The following RBFOX1 variants were observed in gnomAD, a reference collection of about 807,000 sequenced individuals.
RBFOX1 encodes RNA binding fox-1 homolog 1.
Under a neutral mutation model 57.7 loss-of-function variants are expected in RBFOX1, and 8 were observed. The ratio of observed to expected loss-of-function variants is 0.14; its 90% CI spans 0.08 to 0.25. The LOEUF (loss-of-function observed/expected upper bound fraction) is 0.25. RBFOX1 is among the 10% of genes least tolerant of loss of function. The probability of loss-of-function intolerance (pLI) is 1.00; values close to 1 mark genes in which losing one functional copy is unlikely to be tolerated. For missense variants in RBFOX1, 611 were observed against 548.5 expected (o/e 1.11, Z -1.14); for synonymous variants, 326 against 222.4 (o/e 1.47, Z -4.15).
chr16:6,110,575 A>G (rs953323137), intron 1 of RBFOX1, among the ~76,000 whole-genome samples: 2 of 152,126 alleles, frequency 1.3e-5, no homozygotes, highest in African/African-American at 4.8e-5. Context: ...TCCAATTAAG[A>G]TGGATCCATG....
At chr16:5,412,680 G>C (rs1007793488) in intron 1 of RBFOX1, among the ~76,000 whole-genome samples, 2 of 152,204 alleles carry the variant, frequency 1.3e-5, no homozygotes, top group Non-Finnish European at 2.9e-5. Flanking sequence ...GCAGGCATTT[G>C]CTGATTTATT....
At chr16:7,292,615 C>G (rs955604550) in intron 4 of RBFOX1, among the ~76,000 whole-genome samples, 5 of 150,484 alleles carry the variant, frequency 3.3e-5, no homozygotes, top group African/African-American at 1.2e-4. Context: ...AGGTAAGAGA[C>G]CTAACAAAGC....
chr16:7,401,799 C>T (rs1488310031), intron 4 of RBFOX1, among the ~76,000 whole-genome samples: 2 of 152,134 alleles, frequency 1.3e-5, no homozygotes, highest in African/African-American at 4.8e-5. Context: ...GGCCCAGCTT[C>T]TATAAGATGA....
chr16:6,092,682 G>C (rs181290718), intron 1 of RBFOX1: 1 of 152,002 alleles, frequency 6.6e-6, no homozygotes, highest in Non-Finnish European at 1.5e-5. Context: ...CAACTTTGTC[G>C]AAGATCAGAT....
At chr16:5,760,021 A>C (rs1401902848) in intron 3 of RBFOX1, among the ~76,000 whole-genome samples, 2 of 151,968 alleles carry the variant, frequency 1.3e-5, no homozygotes, top group South Asian at 2.1e-4. Context: ...AAAAAAAAAA[A>C]ACCTTGTATT....
chr16:5,528,559 T>TG, intron 2 of RBFOX1, among the ~76,000 whole-genome samples: 2 of 130,300 alleles, frequency 1.5e-5, no homozygotes, highest in African/African-American at 5.8e-5. Context: ...TTTTTTTTTT[T>TG]TTTTTTCTGG....
At chr16:6,099,543 G>GC (rs139971727) in intron 1 of RBFOX1, among the ~76,000 whole-genome samples, 3,647 of 152,290 alleles carry the variant, frequency 0.024, 57 homozygotes, top group Middle Eastern at 0.041. Context: ...GGAAGTGAGA[G>GC]CAATTGCCTA....
At chr16:7,359,344 G>A (rs1456056008) in intron 4 of RBFOX1, among the ~76,000 whole-genome samples, 1 of 152,176 alleles carries the variant, frequency 6.6e-6, no homozygotes, top group Non-Finnish European at 1.5e-5. Context: ...GTAAGCACCT[G>A]TTATATGCCA....
chr16:5,294,789 G>T (rs1360406774), intron 1 of RBFOX1, among the ~76,000 whole-genome samples: 1 of 151,938 alleles, frequency 6.6e-6, no homozygotes, highest in Non-Finnish European at 1.5e-5. Context: ...CCAGCACTTT[G>T]GGAGGCCGAG....
chr16:5,890,539 A>G (rs192204712), intron 4 of RBFOX1, among the ~76,000 whole-genome samples: 1 of 152,100 alleles, frequency 6.6e-6, no homozygotes, highest in East Asian at 1.9e-4. Context: ...TCTACTGAAA[A>G]TAGAAAAATT....
At chr16:7,679,090 AAATT>A (rs139263999) in intron 14 of RBFOX1, among the ~76,000 whole-genome samples, 2,289 of 152,346 alleles carry the variant, frequency 0.015, 29 homozygotes, top group Non-Finnish European at 0.024. Context: ...TCATTGAAGT[AAATT>A]AATTAATAAG....
chr16:6,038,597 A>G (rs1451651697), intron 1 of RBFOX1: 1 of 147,448 alleles, frequency 6.8e-6, no homozygotes, highest in African/African-American at 2.5e-5. Context: ...AAATCCATAT[A>G]TATATATATA....
At chr16:6,368,955 G>A (rs1324428866) in intron 2 of RBFOX1, among the ~76,000 whole-genome samples, 44 of 152,162 alleles carry the variant, frequency 2.9e-4, no homozygotes, top group Admixed American at 2.9e-3. Flanking sequence ...CAATTTTAGT[G>A]TTGGAAAAAA....
intron 3 of RBFOX1, among the ~76,000 whole-genome samples, chr16:5,614,554 G>A (rs1311654020): frequency 1.3e-5 from 2 of 152,132 alleles, no homozygotes. Flanking sequence ...GGACTTTGAT[G>A]TTGTGCTTCA....
At chr16:5,858,730 A>G (rs936244647) in intron 3 of RBFOX1, among the ~76,000 whole-genome samples, 1 of 152,234 alleles carries the variant, frequency 6.6e-6, no homozygotes, top group Non-Finnish European at 1.5e-5. Context: ...ACATGTCTGG[A>G]GCCTGCAGAA....
At chr16:5,682,271 G>A (rs1028099816) in intron 3 of RBFOX1, among the ~76,000 whole-genome samples, 5 of 152,216 alleles carry the variant, frequency 3.3e-5, no homozygotes, top group African/African-American at 9.7e-5. Flanking sequence ...CATTGTGGGA[G>A]CACCATTAAT....
chr16:5,972,148 G>C (rs532802684), intron 4 of RBFOX1, among the ~76,000 whole-genome samples: 50 of 152,146 alleles, frequency 3.3e-4, no homozygotes, highest in African/African-American at 1.1e-3. Context: ...GGAACTTCTT[G>C]GTCTCCATAA....
intron 3 of RBFOX1, among the ~76,000 whole-genome samples, chr16:5,814,758 C>G (rs904389390): frequency 2.6e-5 from 4 of 152,056 alleles, no homozygotes; most frequent in Non-Finnish European, 5.9e-5. Flanking sequence ...GAAACCCCGT[C>G]TCTACTAAAA....
intron 2 of RBFOX1, among the ~76,000 whole-genome samples, chr16:6,496,079 G>T (rs1434814590): frequency 6.6e-6 from 1 of 152,224 alleles, no homozygotes. Flanking sequence ...TCCATGAAAT[G>T]TTAACAAGAA....
Sources: gnomAD v4.1 joint callset for allele counts (sites outside exome capture counted in the v4.1 genomes callset) on GRCh38, gnomAD v4.1.1 for gene constraint, MANE v1.5 for transcripts, NCBI Gene and HGNC (gene_info 2026-07-23, HGNC 2026-07-21) for gene names.